PHF20L1: variants seen among roughly 807,000 people sequenced by gnomAD.
The protein encoded by PHF20L1 is PHD finger protein 20 like 1, also known as PHD finger protein 20-like protein 1.
Under a neutral mutation model 125.5 loss-of-function variants are expected in PHF20L1, and 44 were observed. The observed-to-expected ratio is 0.35, with a 90% CI of 0.28 to 0.45. PHF20L1 has a LOEUF of 0.45. Ranked by LOEUF, PHF20L1 falls within the 20% of genes least tolerant of loss-of-function variation. The pLI, the probability that PHF20L1 is intolerant of heterozygous loss-of-function variation, is 1.00. For missense variants in PHF20L1, 1,012 were observed against 1,217.2 expected (o/e 0.83, Z 2.51); for synonymous variants, 380 against 403.1 (o/e 0.94, Z 0.69).
intron 14 of PHF20L1, among the ~76,000 whole-genome samples, chr8:132,831,006 C>T (rs976403730): frequency 6.6e-6 from 1 of 151,970 alleles, no homozygotes; most frequent in Non-Finnish European, 1.5e-5. Flanking sequence ...AAAATCTTCC[C>T]CTTATTTGCC....
chr8:132,791,339 T>C (rs1328390434), intron 2 of PHF20L1, among the ~76,000 whole-genome samples: 14 of 150,420 alleles, frequency 9.3e-5, no homozygotes, highest in African/African-American at 3.4e-4. Flanking sequence ...CTGCAACCTC[T>C]GCCTCCCGGG....
rs760250593 is a variant in PHF20L1 at position 132,817,528 on chromosome 8, G to A, written c.1562G>A (p.Gly521Glu). 3.7e-6 allele frequency: 6 copies of A among 1,611,220 alleles called. No homozygotes were observed. In the South Asian group the frequency reaches 6.6e-5, roughly 18 times the overall value. Residue 521 changes from glycine to glutamate, a missense_variant, in exon 12 of 21, where the codon GGA becomes GAA. Coordinates refer to ENST00000395386, the MANE Select transcript of PHF20L1 (RefSeq NM_016018.5). ...TCCAAAGCAATAGCTGATGGAAGAG[G>A]AGCTCCAGCAGCAGCAGGTAAAAGA... ...PSSKAIADGR[G>E]APAAAGISKT...
intron 9 of PHF20L1, chr8:132,812,746 A>G (rs1187238403): frequency 2.0e-6 from 2 of 983,978 alleles, no homozygotes; most frequent in Non-Finnish European, 2.4e-6. Flanking sequence ...TTACATCTCA[A>G]TTGGTATCAG....
At chr8:132,779,685 G>A (rs1391520368) in intron 2 of PHF20L1, among the ~76,000 whole-genome samples, 1 of 152,130 alleles carries the variant, frequency 6.6e-6, no homozygotes, top group African/African-American at 2.4e-5. Context: ...ATATTAGTGA[G>A]AAATTTTCTT....
At chr8:132,822,517 A>C (rs571179327) in intron 12 of PHF20L1, among the ~76,000 whole-genome samples, 1 of 152,172 alleles carries the variant, frequency 6.6e-6, no homozygotes, top group South Asian at 2.1e-4. Context: ...AGGATTTGGA[A>C]AGCACATGCC....
At position 132,832,377 on chromosome 8, in the gene PHF20L1, ATCCGTTGATC is replaced by A. The variant is rs1307432473; in HGVS notation, c.1889_1898del (p.Ser630LeufsTer9). On this transcript the variant is annotated frameshift_variant, in exon 15 of 21. Transcript: ENST00000395386. LOFTEE classifies it high-confidence loss of function. ...CCTATCAGTACCCAAGGGCAATTCT[ATCCGTTGATC>A]TTAGTGGTGAAAGTATGTGTAACCA... 6.2e-7 allele frequency: 1 copy of A among 1,611,626 alleles called. No individual in the cohort carries two copies. Among genetic ancestry groups the A allele is most frequent in the Non-Finnish European group, 8.5e-7 (1 of 1,178,350 alleles).
chr8:132,812,442 C>T (rs966729819), intron 9 of PHF20L1: 3 of 984,692 alleles, frequency 3.0e-6, no homozygotes, highest in Non-Finnish European at 3.6e-6. Flanking sequence ...CAGAAAACCA[C>T]GTTTTGAAAT....
intron 4 of PHF20L1, among the ~76,000 whole-genome samples, chr8:132,797,299 A>G (rs1012723286): frequency 7.2e-5 from 11 of 152,084 alleles, no homozygotes; most frequent in African/African-American, 2.7e-4. Flanking sequence ...AAAATGAACA[A>G]TTGTGAACAT....
At chr8:132,825,441 T>C in intron 14 of PHF20L1, 70 bp downstream of exon 14, 1 of 1,291,714 alleles carries the variant, frequency 7.7e-7, no homozygotes, top group African/African-American at 1.5e-5. Context: ...CCCTTTTCTT[T>C]TACAAAATGG....
chr8:132,842,278 G>T, intron 18 of PHF20L1: 2 of 364,716 alleles, frequency 5.5e-6, no homozygotes, highest in African/African-American at 2.1e-5. Context: ...ATCAAATGAT[G>T]ATGTGAACTA....
chr8:132,834,859 T>C (rs1218581579), intron 15 of PHF20L1, among the ~76,000 whole-genome samples: 1 of 152,086 alleles, frequency 6.6e-6, no homozygotes, highest in East Asian at 1.9e-4. Context: ...ATTTCTTTAT[T>C]ATCTATTTCT....
At chr8:132,824,117 G>C in intron 13 of PHF20L1, 57 bp downstream of exon 13, 9 of 1,063,362 alleles carry the variant, frequency 8.5e-6, no homozygotes, top group South Asian at 1.3e-5. Context: ...AGAGAGGGAG[G>C]ACATAGTCTG....
At chr8:132,794,370 T>C (rs545004812) in intron 2 of PHF20L1, 40 bp from the exon 3 acceptor site, 5 of 1,291,206 alleles carry the variant, frequency 3.9e-6, no homozygotes, top group East Asian at 4.6e-5. Flanking sequence ...TAAACAAATA[T>C]AAGGATTTTC....
intron 2 of PHF20L1, among the ~76,000 whole-genome samples, chr8:132,788,230 ATTCTTT>A (rs1831277624): frequency 1.3e-5 from 2 of 152,018 alleles, no homozygotes. Flanking sequence ...AACTTACTTG[ATTCTTT>A]TTCTTTGTTG....
intron 12 of PHF20L1, 139 bp downstream of exon 12, chr8:132,817,684 G>A (rs1835130544): frequency 3.2e-6 from 2 of 626,976 alleles, no homozygotes; most frequent in South Asian, 2.1e-5. Flanking sequence ...AACATTTATA[G>A]GAGAGTTTCA....
chr8:132,807,898 A>G (rs892295453), intron 8 of PHF20L1: 1 of 352,582 alleles, frequency 2.8e-6, no homozygotes, highest in Non-Finnish European at 5.5e-6. Flanking sequence ...GTATTCTTCT[A>G]GAAGAGGGCC....
intron 8 of PHF20L1, among the ~76,000 whole-genome samples, chr8:132,805,404 T>C (rs1177386278): frequency 2.0e-5 from 3 of 151,880 alleles, no homozygotes; most frequent in Non-Finnish European, 2.9e-5. Flanking sequence ...AGGATTAGAA[T>C]TGGGGCCAGT....
chr8:132,804,679 G>C lies in PHF20L1; in HGVS notation c.786G>C (p.Lys262Asn). ...AGCCAGAGAGCACATTATCAAACAAGAGGAAAAATAATCAAGGCAACTCGT... is the reference window on the plus strand; with the variant it reads ...AGCCAGAGAGCACATTATCAAACAACAGGAAAAATAATCAAGGCAACTCGT... The part of the protein sequence containing the change: ...FPQPESTLSN[K>N]RKNNQGNSFQ... Residue 262 changes from lysine (K) to asparagine (N), a missense_variant, in exon 8 of 21, where the codon AAG becomes AAC. Lys to Asn is a moderately conservative substitution (Grantham distance 94). This residue lies in a region of PHF20L1 where 134 missense variants were observed against 145.9 expected (regional missense o/e 0.92). Transcript: ENST00000395386. 6.2e-7 allele frequency: 1 copy of C among 1,609,748 alleles called. No individual in the cohort carries two copies. The highest frequency in any genetic ancestry group is 1.3e-5 in the African/African-American group (1 of 74,650).
chr8:132,794,501 T>C lies in PHF20L1; in HGVS notation c.175T>C (p.Tyr59His). 6.2e-7 allele frequency: 1 copy of C among 1,611,218 alleles called. No homozygotes were observed. Among genetic ancestry groups the C allele is most frequent in the Non-Finnish European group, 8.5e-7 (1 of 1,177,374 alleles). Residue 59 changes from tyrosine to histidine, a missense_variant, in exon 3 of 21, where the codon TAC becomes CAC. Transcript: ENST00000395386. ...RWSHRYDEWI[Y>H]WDSNRLRPLE... ...GAGTCATCGTTATGATGAGTGGATT[T>C]ACTGGGATAGCAATAGATTGCGACC...
Sources: allele counts gnomAD v4.1 joint callset (sites outside exome capture counted in the v4.1 genomes callset), GRCh38; gene constraint gnomAD v4.1.1; regional missense constraint gnomAD v4.1.1; transcripts MANE v1.5; gene names NCBI Gene and HGNC (gene_info 2026-07-23, HGNC 2026-07-21).